DSTN: variants seen among roughly 807,000 people sequenced by gnomAD.
DSTN encodes destrin, actin depolymerizing factor, also known as destrin.
Under a neutral mutation model 16.8 loss-of-function variants are expected in DSTN, and 10 were observed. The observed-to-expected ratio is 0.60, with a 90% CI of 0.37 to 1.01. The LOEUF is 1.01. Ranked by LOEUF, DSTN falls within the 50% of genes least tolerant of loss-of-function variation. The pLI is 0.01. For missense variants in DSTN, 141 were observed against 196.7 expected, an observed-to-expected ratio of 0.72 and a Z score of 1.69; for synonymous variants, 57 against 58.9, an observed-to-expected ratio of 0.97 and a Z score of 0.14.
intron 1 of DSTN, among the ~76,000 whole-genome samples, chr20:17,588,931 A>C (rs1301449795): frequency 1.3e-5 from 2 of 152,060 alleles, no homozygotes; most frequent in African/African-American, 4.8e-5. Flanking sequence ...ACATATGGTC[A>C]CCTGTATCCT....
chr20:17,575,329 A>C (rs961467392), intron 1 of DSTN, among the ~76,000 whole-genome samples: 2 of 152,256 alleles, frequency 1.3e-5, no homozygotes, highest in Admixed American at 6.5e-5. Context: ...AACTGAATTT[A>C]ACATACAAAT....
chr20:17,584,417 A>T (rs1462780299), intron 1 of DSTN, among the ~76,000 whole-genome samples: 6 of 152,192 alleles, frequency 3.9e-5, no homozygotes, highest in African/African-American at 1.4e-4. Flanking sequence ...TGGGAGGCTG[A>T]GGCAGGCGGA....
intron 3 of DSTN, chr20:17,604,995 T>C: frequency 2.2e-6 from 1 of 457,542 alleles, no homozygotes; most frequent in Non-Finnish European, 4.4e-6. Flanking sequence ...TTGAATGTAG[T>C]TGTTATAATA....
chr20:17,607,268 G>GTA lies in DSTN; in HGVS notation c.*123_*124dup. 1 of 757,330 alleles carries GTA rather than the reference G, an allele frequency of 1.3e-6. No individual in the cohort carries two copies. The highest frequency in any genetic ancestry group is 2.0e-6 in the Non-Finnish European group (1 of 489,960). 46.9% of individuals were successfully genotyped at this position (757,330 alleles called of 1,614,324 possible). A position where few individuals can be genotyped will look rare whatever the true frequency, so the allele number is the denominator to read the frequency against. The stretch of plus-strand genomic sequence containing the variant: ...GGGAGCTGTCTTGTCATCTTTTAGA[G>GTA]TAAACTATTCTATAAACATATGCAA... On this transcript the variant is annotated 3_prime_UTR_variant, in exon 4 of 4. Transcript: ENST00000246069.
intron 3 of DSTN, among the ~76,000 whole-genome samples, chr20:17,606,123 GAT>G (rs1200297439): frequency 6.7e-6 from 1 of 150,068 alleles, no homozygotes; most frequent in Non-Finnish European, 1.5e-5. Context: ...AAAAAAAAAA[GAT>G]AGTGACCATG....
chr20:17,576,275 A>AT, intron 1 of DSTN: 1 of 152,636 alleles, frequency 6.6e-6, no homozygotes, highest in South Asian at 2.1e-4. Context: ...TTTTACGTAG[A>AT]TTTTTTGTTT....
intron 1 of DSTN, among the ~76,000 whole-genome samples, chr20:17,578,408 G>T (rs2122166079): frequency 6.6e-6 from 1 of 152,202 alleles, no homozygotes; most frequent in East Asian, 1.9e-4. Context: ...AATGGAAATT[G>T]GGTTTTAAGT....
rs950884767 is a variant in DSTN, at chr20:17,602,785, GGGAGGT to G, written c.311+1749_311+1754del. ...CTCATGCCTGTAATCTCAGCACTTT[GGGAGGT>G]GGAGGTGGGCAGATCACGAGGTCAA... On this transcript the variant is annotated intron_variant, in intron 2 of 3. Transcript: ENST00000246069. Among the ~76,000 whole-genome samples, 13 of 152,140 alleles carry G rather than the reference GGGAGGT, an allele frequency of 8.5e-5. 1 individual carries two copies. Among genetic ancestry groups the G allele is most frequent in the African/African-American group, 3.1e-4 (13 of 41,430 alleles).
intron 1 of DSTN, chr20:17,596,655 T>C: frequency 1.0e-6 from 1 of 985,438 alleles, no homozygotes; most frequent in South Asian, 4.7e-5. Flanking sequence ...CCAGTTTCTG[T>C]GCCAGTTTCT....
chr20:17,606,887 TA>T (rs2035648582), intron 3 of DSTN, 149 bp from the exon 4 acceptor site: 2 of 627,946 alleles, frequency 3.2e-6, no homozygotes, highest in Admixed American at 3.2e-5. Context: ...TAGTTACAAT[TA>T]TTTTTTCTCG....
At chr20:17,580,106 T>C (rs1179346930) in intron 1 of DSTN, among the ~76,000 whole-genome samples, 2 of 152,236 alleles carry the variant, frequency 1.3e-5, no homozygotes, top group South Asian at 4.1e-4. Flanking sequence ...TTTTATTCTT[T>C]CTTTAATATT....
intron 1 of DSTN, among the ~76,000 whole-genome samples, chr20:17,578,655 C>A (rs6105779): frequency 6.6e-6 from 1 of 152,084 alleles, no homozygotes; most frequent in Non-Finnish European, 1.5e-5. Context: ...GCTCAAAAGC[C>A]TAACAAATGA....
At chr20:17,570,483 G>GT (rs2035187628) in intron 1 of DSTN, among the ~76,000 whole-genome samples, 2 of 152,204 alleles carry the variant, frequency 1.3e-5, no homozygotes, top group African/African-American at 4.8e-5. Flanking sequence ...GCCTCTGCGG[G>GT]TGTCTCCAGA....
chr20:17,581,273 G>A (rs909790747), intron 1 of DSTN, among the ~76,000 whole-genome samples: 4 of 152,144 alleles, frequency 2.6e-5, no homozygotes, highest in Admixed American at 6.6e-5. Context: ...TTGAGGCCAG[G>A]AGTTAAAGAC....
Position 17,575,367 on chromosome 20 carries a change from T to G in DSTN, c.3+5156T>G, listed in dbSNP as rs777382572. 1.6e-4 allele frequency among the ~76,000 whole-genome samples: 25 copies of G among 152,300 alleles called. No homozygotes were observed. In the East Asian group the frequency reaches 4.8e-3, roughly 29 times the overall value. On this transcript the variant is annotated intron_variant, in intron 1 of 3. Coordinates refer to ENST00000246069, the MANE Select transcript of DSTN (RefSeq NM_006870.4). Reference sequence around the variant, plus strand: ...GTTGATTTTGTCCACAGAACAACACTCTAGTCTCTGAGTAACTAGAGCTAG... The same window carrying G: ...GTTGATTTTGTCCACAGAACAACACGCTAGTCTCTGAGTAACTAGAGCTAG...
intron 1 of DSTN, among the ~76,000 whole-genome samples, chr20:17,583,126 T>TG (rs1389488100): frequency 1.3e-4 from 20 of 152,216 alleles, no homozygotes; most frequent in Non-Finnish European, 2.2e-4. Flanking sequence ...ATTAGGGAAA[T>TG]GCAGATCAAA....
chr20:17,584,515 G>T (rs1301380138), intron 1 of DSTN, among the ~76,000 whole-genome samples: 2 of 152,040 alleles, frequency 1.3e-5, no homozygotes, highest in African/African-American at 4.8e-5. Flanking sequence ...AGCCGGGCGT[G>T]TTGGCGCATG....
intron 1 of DSTN, among the ~76,000 whole-genome samples, chr20:17,572,588 G>A (rs1600696307): frequency 6.6e-6 from 1 of 152,222 alleles, no homozygotes; most frequent in African/African-American, 2.4e-5. Flanking sequence ...ATCCTAATCT[G>A]GACTGTGGTC....
intron 1 of DSTN, among the ~76,000 whole-genome samples, chr20:17,573,538 C>T (rs2035231811): frequency 6.6e-6 from 1 of 152,040 alleles, no homozygotes; most frequent in African/African-American, 2.4e-5. Context: ...TTCTCTAGCC[C>T]CAGTGTGTAT....
Sources: gnomAD v4.1 joint callset for allele counts (sites outside exome capture counted in the v4.1 genomes callset) on GRCh38, gnomAD v4.1.1 for gene constraint, MANE v1.5 for transcripts, NCBI Gene and HGNC (gene_info 2026-07-23, HGNC 2026-07-21) for gene names.